Variants in LZTS1 observed in about 807,000 individuals in gnomAD.
LZTS1 encodes the protein leucine zipper tumor suppressor 1.
A neutral mutation model predicts 45.8 loss-of-function variants in LZTS1; 31 were observed. The observed-to-expected ratio is 0.68, with a 90% CI of 0.51 to 0.91. LZTS1 has a LOEUF of 0.91. Ranked by LOEUF, LZTS1 falls within the 40% of genes least tolerant of loss-of-function variation. The pLI is 0.00. For missense variants in LZTS1, 821 were observed against 788.9 expected (o/e 1.04, Z -0.49); for synonymous variants, 359 against 357.3 (o/e 1.00, Z -0.05).
Position 20,252,902 on chromosome 8 carries a change from C to G in LZTS1, c.1029G>C (p.Arg343=). The part of the protein sequence containing the change: ...LQVLQLQQEK[R]QLRQELESLM... ...GGCTCTCGAGCTCCTGCCGGAGCTG[C>G]CGCTTCTCCTGCTGAAGCTGCAGTA... is the stretch of plus-strand genomic sequence containing the variant. The change falls in exon 3 of 4, where the codon CGG becomes CGC. Residue 343 remains arginine (R), a synonymous_variant. Transcript: ENST00000381569. 1 of 1,610,638 alleles carries G rather than the reference C, an allele frequency of 6.2e-7. No individual in the cohort carries two copies. The highest frequency in any genetic ancestry group is 8.5e-7 in the Non-Finnish European group (1 of 1,179,006).
chr8:20,264,952 G>A (rs1800317280), intron 1 of LZTS1, among the ~76,000 whole-genome samples: 1 of 152,172 alleles, frequency 6.6e-6, no homozygotes, highest in Non-Finnish European at 1.5e-5. Flanking sequence ...TGTGGGGTGT[G>A]TACGTGTGTG....
rs368947201 is a variant in LZTS1 at position 20,254,882 on chromosome 8, C to T, written c.300G>A (p.Pro100=). ...AGGGCATGAGCTTGGGGGGTGTGGACGGGTCAAAGTCCACCCCAGCCTGGC... is the reference window on the plus strand; with the variant it reads ...AGGGCATGAGCTTGGGGGGTGTGGATGGGTCAAAGTCCACCCCAGCCTGGC... ...LGGQAGVDFD[P]STPPKLMPFS... is the part of the protein sequence containing the mutation. Residue 100 remains proline, a synonymous_variant, in exon 2 of 4, where the codon CCG becomes CCA. Transcript: ENST00000381569. 35 of 1,613,840 alleles carry T rather than the reference C, an allele frequency of 2.2e-5. No individual in the cohort carries two copies. Among genetic ancestry groups the T allele is most frequent in the South Asian group, 7.7e-5 (7 of 91,070 alleles).
chr8:20,265,744 C>G (rs967007210), intron 1 of LZTS1, among the ~76,000 whole-genome samples: 2 of 143,714 alleles, frequency 1.4e-5, no homozygotes, highest in African/African-American at 5.1e-5. Context: ...CATGAAACCT[C>G]AGCTTCCTTT....
In LZTS1 at chr8:20,254,954, G is replaced by A. The variant is rs750735399; in HGVS notation, c.228C>T (p.Gly76=). ...GTGCCGTGTAATCTGGGTGATGGGAGCCCCGGGCTTTCTGGCTGACCTTGA... is the reference window on the plus strand; with the variant it reads ...GTGCCGTGTAATCTGGGTGATGGGAACCCCGGGCTTTCTGGCTGACCTTGA... ...FYIKVSQKAR[G]SHHPDYTALS... is the part of the protein sequence containing the mutation. The change falls in exon 2 of 4, where the codon GGC becomes GGT. Residue 76 remains glycine, a synonymous_variant. Transcript: ENST00000381569. The A allele has an allele frequency of 6.2e-7, 1 of 1,614,188 alleles. No homozygotes were observed. The highest frequency in any genetic ancestry group is 1.3e-5 in the African/African-American group (1 of 75,052).
At chr8:20,296,100 T>G (rs1006455572) in intron 1 of LZTS1, among the ~76,000 whole-genome samples, 3 of 152,178 alleles carry the variant, frequency 2.0e-5, no homozygotes, top group Non-Finnish European at 4.4e-5. Flanking sequence ...TTGAGACCAA[T>G]TTAGCAGTCC....
rs780230970 is a variant in LZTS1, at chr8:20,254,980, T to G, written c.202A>C (p.Ile68Leu). 1 of 1,614,192 alleles carries G rather than the reference T, an allele frequency of 6.2e-7. No homozygotes were observed. The highest frequency in any genetic ancestry group is 8.5e-7 in the Non-Finnish European group (1 of 1,180,040). Reference protein sequence around the residue: ...KMGKSEDFFYIKVSQKARGSH... With the variant: ...KMGKSEDFFYLKVSQKARGSH... ...CCCCGGGCTTTCTGGCTGACCTTGA[T>G]GTAGAAGAAGTCTTCGCTCTTGCCC... The change falls in exon 2 of 4, where the codon ATC becomes CTC. Residue 68 changes from isoleucine to leucine, a missense_variant. By Grantham distance (5) the Ile-to-Leu change is conservative. Coordinates refer to ENST00000381569, the MANE Select transcript of LZTS1 (RefSeq NM_021020.5).
In LZTS1 at chr8:20,253,517, C is replaced by A; in HGVS notation, c.414G>T (p.Leu138=). Residue 138 remains leucine, a synonymous_variant, in exon 3 of 4, where the codon CTG becomes CTT. Coordinates refer to ENST00000381569, the MANE Select transcript of LZTS1 (RefSeq NM_021020.5). The part of the protein sequence containing the change: ...KPVLPRSGAI[L]HSSPESASHQ... The stretch of plus-strand genomic sequence containing the variant: ...GGCTGGCACTCTCCGGGGAGGAGTG[C>A]AGGATGGCTCCTGACCGTGGCAGCA... 1 of 1,557,458 alleles carries A rather than the reference C, an allele frequency of 6.4e-7. No homozygotes were observed.
intron 1 of LZTS1, among the ~76,000 whole-genome samples, chr8:20,263,303 C>G (rs1800283661): frequency 6.6e-6 from 1 of 151,806 alleles, no homozygotes; most frequent in Non-Finnish European, 1.5e-5. Flanking sequence ...GCTCAGTTTC[C>G]AACCACAACA....
chr8:20,295,662 A>G (rs761199339), intron 1 of LZTS1, among the ~76,000 whole-genome samples: 60 of 152,322 alleles, frequency 3.9e-4, no homozygotes, highest in Non-Finnish European at 3.8e-4. Flanking sequence ...CATGGGAACA[A>G]GTGCTCAAAT....
intron 3 of LZTS1, among the ~76,000 whole-genome samples, chr8:20,250,609 T>C (rs998970087): frequency 6.6e-6 from 1 of 152,174 alleles, no homozygotes; most frequent in African/African-American, 2.4e-5. Flanking sequence ...CATAGTATAT[T>C]ATTATTGTTA....
At chr8:20,253,677 T>A in intron 2 of LZTS1, 92 bp from the exon 3 acceptor site, 1 of 1,003,654 alleles carries the variant, frequency 1.0e-6, no homozygotes, top group Middle Eastern at 3.1e-4. Flanking sequence ...CTTGAGCCAG[T>A]CTGGGCTCTC....
intron 1 of LZTS1, among the ~76,000 whole-genome samples, chr8:20,282,640 G>GT (rs1800715526): frequency 6.6e-6 from 1 of 152,182 alleles, no homozygotes; most frequent in Non-Finnish European, 1.5e-5. Flanking sequence ...ATTCTCTGTT[G>GT]TAAGGGGCTG....
At chr8:20,299,132 C>T (rs1801028598) in intron 1 of LZTS1, among the ~76,000 whole-genome samples, 1 of 152,152 alleles carries the variant, frequency 6.6e-6, no homozygotes, top group Non-Finnish European at 1.5e-5. Context: ...TCTGTTTGGT[C>T]TGGGTGGCTG....
chr8:20,291,959 G>A lies in LZTS1; in HGVS notation c.-135+11781C>T, dbSNP rs138139433. On this transcript the variant is annotated intron_variant, in intron 1 of 3. Transcript: ENST00000381569. ...TCTCCACCTGCTTCTGAGACTGCCAGCCAGGTGAGGGTGAGTTCCTCTGGG... is the reference window on the plus strand; with the variant it reads ...TCTCCACCTGCTTCTGAGACTGCCAACCAGGTGAGGGTGAGTTCCTCTGGG... Among the ~76,000 whole-genome samples the A allele has an allele frequency of 8.5e-5, 13 of 152,334 alleles. 1 individual carries two copies. In the East Asian group the frequency reaches 2.5e-3, roughly 29 times the overall value.
At chr8:20,258,880 C>T (rs188110881) in intron 1 of LZTS1, among the ~76,000 whole-genome samples, 2 of 152,156 alleles carry the variant, frequency 1.3e-5, no homozygotes, top group African/African-American at 4.8e-5. Flanking sequence ...ACCTTTCTGC[C>T]TCCCATTCCT....
At chr8:20,287,317 G>A (rs375506691) in intron 1 of LZTS1, among the ~76,000 whole-genome samples, 2 of 152,216 alleles carry the variant, frequency 1.3e-5, no homozygotes, top group Non-Finnish European at 2.9e-5. Context: ...CTGGAGCTTC[G>A]TGCCCTGGAA....
chr8:20,253,603 C>T lies in LZTS1; in HGVS notation c.346-18G>A, dbSNP rs201617487. The T allele has an allele frequency of 3.8e-5, 54 of 1,434,080 alleles. No homozygotes were observed. Among genetic ancestry groups the T allele is most frequent in the Middle Eastern group, 1.9e-4 (1 of 5,222 alleles). 88.8% of individuals were successfully genotyped at this position (1,434,080 alleles called of 1,614,324 possible). A position where few individuals can be genotyped will look rare whatever the true frequency, so the allele number is the denominator to read the frequency against. ...TCGGAGCCCTGTAGAGGAAAAGGAC[C>T]GCGGTGACTCATGCCTCCCCTGCGC... On this transcript the variant is annotated intron_variant, in intron 2 of 3. Transcript: ENST00000381569.
chr8:20,263,921 C>A (rs1585286008), intron 1 of LZTS1, among the ~76,000 whole-genome samples: 1 of 152,128 alleles, frequency 6.6e-6, no homozygotes, highest in Non-Finnish European at 1.5e-5. Context: ...CCAAGTACCC[C>A]GTGCAGAATG....
intron 1 of LZTS1, among the ~76,000 whole-genome samples, chr8:20,255,927 T>C (rs565601479): frequency 6.6e-6 from 1 of 151,476 alleles, no homozygotes; most frequent in South Asian, 2.1e-4. Flanking sequence ...ATACAAAAAT[T>C]AGCCGGGCGT....
Sources: gnomAD v4.1 joint callset for allele counts (sites outside exome capture counted in the v4.1 genomes callset) on GRCh38, gnomAD v4.1.1 for gene constraint, MANE v1.5 for transcripts, NCBI Gene and HGNC (gene_info 2026-07-23, HGNC 2026-07-21) for gene names.